The following HAPLN1 variants were observed in gnomAD, a reference collection of about 807,000 sequenced individuals.
The protein encoded by HAPLN1 is hyaluronan and proteoglycan link protein 1.
In HAPLN1, 13 loss-of-function variants were observed where a neutral mutation model predicts 36.5. The observed-to-expected ratio is 0.36, with a 90% confidence interval of 0.23 to 0.57. HAPLN1 has a LOEUF of 0.57. HAPLN1 is among the 20% of genes least tolerant of loss of function. The pLI is 0.83. For missense variants in HAPLN1, 407 were observed against 439.7 expected (o/e 0.93, Z 0.66); for synonymous variants, 202 against 169.8 (o/e 1.19, Z -1.48).
At chr5:83,656,288 G>A (rs1290361412) in intron 2 of HAPLN1, among the ~76,000 whole-genome samples, 3 of 128,620 alleles carry the variant, frequency 2.3e-5, no homozygotes, top group African/African-American at 3.0e-5. Flanking sequence ...AGATTGTGTC[G>A]CTGTACCCCA....
At position 83,713,264 on chromosome 5, in the gene HAPLN1, G is replaced by A. The variant is rs77944006; in HGVS notation, c.-27+7525C>T. On this transcript the variant is annotated intron_variant, in intron 1 of 4. Transcript: ENST00000274341. Reference sequence around the variant, plus strand: ...ATCTGTCATTAGAGCTTCAAGGCACGGAAATACCATTTTAATTTCCTTTAA... The same window carrying A: ...ATCTGTCATTAGAGCTTCAAGGCACAGAAATACCATTTTAATTTCCTTTAA... Among the ~76,000 whole-genome samples, 575 of 152,174 alleles carry A rather than the reference G, an allele frequency of 3.8e-3. 1 individual carries two copies. Among genetic ancestry groups the A allele is most frequent in the Middle Eastern group, 0.01 (3 of 294 alleles).
At chr5:83,713,521 C>T (rs1230718994) in intron 1 of HAPLN1, among the ~76,000 whole-genome samples, 1 of 152,134 alleles carries the variant, frequency 6.6e-6, no homozygotes, top group Non-Finnish European at 1.5e-5. Context: ...TGATCGATCC[C>T]TTCTCTCTTC....
chr5:83,664,744 G>T (rs1472694086), intron 2 of HAPLN1, among the ~76,000 whole-genome samples: 1 of 151,972 alleles, frequency 6.6e-6, no homozygotes, highest in Non-Finnish European at 1.5e-5. Context: ...ATTCAATTAT[G>T]TACATAAGCC....
intron 1 of HAPLN1, among the ~76,000 whole-genome samples, chr5:83,708,581 G>A (rs996971775): frequency 1.3e-4 from 20 of 152,020 alleles, no homozygotes; most frequent in Admixed American, 6.6e-5. Flanking sequence ...TTGGGAAGAG[G>A]GAAAAGAGCA....
intron 2 of HAPLN1, among the ~76,000 whole-genome samples, chr5:83,653,613 C>G (rs1402587691): frequency 6.6e-6 from 1 of 152,154 alleles, no homozygotes. Flanking sequence ...TATTCTCTCT[C>G]TTTGCTTTCT....
intron 3 of HAPLN1, among the ~76,000 whole-genome samples, chr5:83,647,045 T>C (rs1749897722): frequency 6.6e-6 from 1 of 152,220 alleles, no homozygotes; most frequent in African/African-American, 2.4e-5. Flanking sequence ...TTTAAAGACC[T>C]GGAAAATCTT....
intron 2 of HAPLN1, among the ~76,000 whole-genome samples, chr5:83,665,817 C>T (rs1198647425): frequency 6.6e-6 from 1 of 152,142 alleles, no homozygotes; most frequent in African/African-American, 2.4e-5. Flanking sequence ...GTAAATATTA[C>T]TCCACACACC....
intron 2 of HAPLN1, among the ~76,000 whole-genome samples, chr5:83,672,336 CTA>C (rs1003710493): frequency 6.6e-6 from 1 of 152,098 alleles, no homozygotes; most frequent in Admixed American, 6.5e-5. Flanking sequence ...TCTGATTCTA[CTA>C]TATATTACAG....
At chr5:83,648,116 CTT>C (rs1749927593) in intron 3 of HAPLN1, among the ~76,000 whole-genome samples, 1 of 151,990 alleles carries the variant, frequency 6.6e-6, no homozygotes, top group Non-Finnish European at 1.5e-5. Context: ...TAGTGACACT[CTT>C]TTGTTACATC....
intron 1 of HAPLN1, among the ~76,000 whole-genome samples, chr5:83,679,615 A>T (rs1004943058): frequency 5.9e-5 from 9 of 152,182 alleles, no homozygotes; most frequent in African/African-American, 2.2e-4. Context: ...TCATAGGATT[A>T]CTTATCATCG....
chr5:83,643,811 A>G (rs1454056542), intron 4 of HAPLN1, among the ~76,000 whole-genome samples: 1 of 152,202 alleles, frequency 6.6e-6, no homozygotes, highest in Non-Finnish European at 1.5e-5. Context: ...AGACAGCAAG[A>G]GAAGGGCTGA....
At chr5:83,646,794 T>C (rs1749890558) in intron 3 of HAPLN1, among the ~76,000 whole-genome samples, 1 of 152,156 alleles carries the variant, frequency 6.6e-6, no homozygotes, top group East Asian at 1.9e-4. Context: ...AAATAACTAT[T>C]ATGGTGCCCT....
At chr5:83,709,145 G>A (rs1037101681) in intron 1 of HAPLN1, among the ~76,000 whole-genome samples, 2 of 152,210 alleles carry the variant, frequency 1.3e-5, no homozygotes, top group East Asian at 1.9e-4. Flanking sequence ...GTGAGCCACC[G>A]TGCTCAGCCC....
intron 2 of HAPLN1, among the ~76,000 whole-genome samples, chr5:83,658,006 A>G (rs1025114825): frequency 1.3e-5 from 2 of 152,114 alleles, no homozygotes; most frequent in East Asian, 3.9e-4. Context: ...AACCATCACC[A>G]CTACCCCTTT....
chr5:83,652,050 T>C, intron 3 of HAPLN1: 1 of 188,392 alleles, frequency 5.3e-6, no homozygotes, highest in Non-Finnish European at 1.1e-5. Flanking sequence ...TATATTTTAG[T>C]TAGCAGATGT....
intron 2 of HAPLN1, among the ~76,000 whole-genome samples, chr5:83,664,131 G>C (rs1036577603): frequency 6.6e-6 from 1 of 152,150 alleles, no homozygotes. Flanking sequence ...CTGACAGGCT[G>C]CAGTCTCTTG....
At chr5:83,656,518 A>G (rs1750222066) in intron 2 of HAPLN1, among the ~76,000 whole-genome samples, 1 of 152,052 alleles carries the variant, frequency 6.6e-6, no homozygotes. Flanking sequence ...TTTCAGTGTG[A>G]AAAGGTGCAC....
intron 1 of HAPLN1, among the ~76,000 whole-genome samples, chr5:83,695,780 AT>A (rs1192640616): frequency 1.3e-5 from 2 of 151,622 alleles, no homozygotes; most frequent in Admixed American, 1.3e-4. Context: ...CCTCAATCTG[AT>A]AAAGGGCATC....
intron 1 of HAPLN1, among the ~76,000 whole-genome samples, chr5:83,710,869 C>T (rs943874375): frequency 2.6e-5 from 4 of 151,726 alleles, no homozygotes; most frequent in Non-Finnish European, 4.4e-5. Flanking sequence ...GAAAACTGCT[C>T]GAGCCCACGA....
Sources: allele counts gnomAD v4.1 joint callset (sites outside exome capture counted in the v4.1 genomes callset), GRCh38; gene constraint gnomAD v4.1.1; transcripts MANE v1.5; gene names NCBI Gene and HGNC (gene_info 2026-07-23, HGNC 2026-07-21).